Variants in EEIG1 observed in about 807,000 individuals in gnomAD.
The protein encoded by EEIG1 is estrogen-induced osteoclastogenesis regulator 1.
At chr9:127,963,158 C>T in the EEIG1 span, among the ~76,000 whole-genome samples, 105 of 152,314 alleles carry the variant, frequency 6.9e-4, no homozygotes, top group African/African-American at 2.4e-3. Context: ...TCGTTTCTGT[C>T]CAAGAGTTGT....
chr9:127,963,064 A>T, the EEIG1 span, among the ~76,000 whole-genome samples: 1 of 152,202 alleles, frequency 6.6e-6, no homozygotes, highest in East Asian at 1.9e-4. Context: ...ACTGGTATGA[A>T]GGGATAATGG....
chr9:127,966,752 T>C, the EEIG1 span, among the ~76,000 whole-genome samples: 2 of 152,358 alleles, frequency 1.3e-5, no homozygotes, highest in East Asian at 3.9e-4. Context: ...CCTGGCTGTT[T>C]CCCAGGCACC....
the EEIG1 span, among the ~76,000 whole-genome samples, chr9:127,970,944 G>T: frequency 1.3e-5 from 2 of 152,230 alleles, no homozygotes; most frequent in African/African-American, 4.8e-5. Context: ...TCACTGGAGG[G>T]CCCTGCAGGG....
the EEIG1 span, among the ~76,000 whole-genome samples, chr9:127,955,529 C>T: frequency 2.6e-5 from 4 of 152,386 alleles, no homozygotes; most frequent in South Asian, 8.3e-4. Context: ...CCGCCCAGGT[C>T]TCTGAGTGCC....
the EEIG1 span, among the ~76,000 whole-genome samples, chr9:127,954,324 T>C: frequency 2.3e-3 from 355 of 152,144 alleles, no homozygotes; most frequent in African/African-American, 8.2e-3. Context: ...ACCCTCACAA[T>C]AGTCTTAGGC....
chr9:127,946,175 G>A, the EEIG1 span, among the ~76,000 whole-genome samples: 7 of 152,224 alleles, frequency 4.6e-5, no homozygotes, highest in Non-Finnish European at 7.3e-5. Flanking sequence ...GCCTCAAGAG[G>A]GCAAGGGCTT....
chr9:127,962,988 G>A, the EEIG1 span, among the ~76,000 whole-genome samples: 182 of 152,298 alleles, frequency 1.2e-3, no homozygotes, highest in African/African-American at 4.1e-3. Context: ...AGCAAGGTCC[G>A]GAGAAGGAGA....
chr9:127,976,701 G>A, the EEIG1 span, among the ~76,000 whole-genome samples: 14 of 152,184 alleles, frequency 9.2e-5, no homozygotes, highest in East Asian at 1.9e-4. The surrounding 1 kb of genome is among the most constrained non-coding windows in gnomAD (Gnocchi z 4.1). Context: ...TCAGGCGAGC[G>A]GTGTACCCAG....
chr9:127,948,180 G>A, the EEIG1 span: 13 of 1,613,980 alleles, frequency 8.1e-6, no homozygotes, highest in Non-Finnish European at 1.1e-5. Flanking sequence ...GCTGCAGGGA[G>A]GAATCCTGGC....
the EEIG1 span, chr9:127,945,305 G>T: frequency 4.6e-6 from 6 of 1,311,596 alleles, no homozygotes; most frequent in South Asian, 8.6e-5. This position sits in a 1 kb window ranked among gnomAD's most constrained non-coding sequence, Gnocchi z 6.5. Context: ...TAAAGAAGCG[G>T]AGGTTCAAGG....
chr9:127,969,677 G>A, the EEIG1 span, among the ~76,000 whole-genome samples: 5 of 152,056 alleles, frequency 3.3e-5, no homozygotes, highest in East Asian at 1.9e-4. Flanking sequence ...GTTTGCAAGA[G>A]GCAGAAGGAA....
the EEIG1 span, among the ~76,000 whole-genome samples, chr9:127,960,429 C>T: frequency 3.3e-5 from 5 of 152,128 alleles, no homozygotes; most frequent in Admixed American, 2.0e-4. Flanking sequence ...GTCTTGCCCC[C>T]GTGGACTGTG....
chr9:127,942,486 T>C, the EEIG1 span: 1 of 152,560 alleles, frequency 6.6e-6, no homozygotes, highest in East Asian at 1.9e-4. Context: ...CCAGTGGGAC[T>C]GTGCTGGGGG....
chr9:127,944,515 C>A, the EEIG1 span: 1 of 838,006 alleles, frequency 1.2e-6, no homozygotes, highest in Non-Finnish European at 2.0e-6. Context: ...ACTGTGGCGA[C>A]AAGATTTGGC....
the EEIG1 span, chr9:127,950,809 C>T: frequency 1.8e-5 from 14 of 757,820 alleles, no homozygotes; most frequent in Admixed American, 4.8e-4. Context: ...GGGGCCAGTG[C>T]GCCTGACATG....
chr9:127,969,278 G>A, the EEIG1 span, among the ~76,000 whole-genome samples: 2 of 152,198 alleles, frequency 1.3e-5, no homozygotes, highest in Admixed American at 6.5e-5. Context: ...AGGCAGGGAC[G>A]GTTGTCTTGG....
At chr9:127,959,156 A>G in the EEIG1 span, among the ~76,000 whole-genome samples, 2 of 152,276 alleles carry the variant, frequency 1.3e-5, no homozygotes, top group Non-Finnish European at 2.9e-5. Flanking sequence ...CCCTAGGTAT[A>G]TATCCCAGAG....
the EEIG1 span, chr9:127,953,642 C>T: frequency 1.5e-5 from 24 of 1,612,782 alleles, no homozygotes; most frequent in South Asian, 1.9e-4. Context: ...AAGTTGACTG[C>T]AGAATCCCAG....
chr9:127,950,795 C>T, the EEIG1 span: 2 of 989,558 alleles, frequency 2.0e-6, no homozygotes, highest in African/African-American at 1.7e-5. Flanking sequence ...TCCCGGCGTG[C>T]ACCGGGGCCA....
Sources: allele counts gnomAD v4.1 joint callset (sites outside exome capture counted in the v4.1 genomes callset), GRCh38; gene constraint gnomAD v4.1.1; non-coding constraint Gnocchi (gnomAD v3.1); transcripts MANE v1.5; gene names NCBI Gene and HGNC (gene_info 2026-07-23, HGNC 2026-07-21).